CYFIP2: variants seen among roughly 807,000 people sequenced by gnomAD.
The protein encoded by CYFIP2 is cytoplasmic FMR1-interacting protein 2.
A neutral mutation model predicts 158.7 loss-of-function variants in CYFIP2; 29 were observed. That is an observed-to-expected ratio of 0.18 (90% CI 0.14 to 0.25). The LOEUF (loss-of-function observed/expected upper bound fraction) is 0.25. Among genes scored for constraint, CYFIP2 ranks in the 10% least tolerant of loss-of-function variants. The pLI, the probability that CYFIP2 is intolerant of heterozygous loss-of-function variation, is 1.00. For missense variants in CYFIP2, 852 were observed against 1,639.5 expected, an observed-to-expected ratio of 0.52 and a Z score of 8.29; for synonymous variants, 585 against 617.6, an observed-to-expected ratio of 0.95 and a Z score of 0.78.
At chr5:157,366,711 C>A (rs147549737) in intron 26 of CYFIP2, among the ~76,000 whole-genome samples, 1 of 152,140 alleles carries the variant, frequency 6.6e-6, no homozygotes, top group Non-Finnish European at 1.5e-5. Context: ...TTATCTGAAA[C>A]AAATCAGCAT....
intron 26 of CYFIP2, among the ~76,000 whole-genome samples, chr5:157,367,374 C>A (rs1764482930): frequency 6.6e-6 from 1 of 152,162 alleles, no homozygotes; most frequent in African/African-American, 2.4e-5. Flanking sequence ...TAAAACCTCC[C>A]CCTGTTGGAA....
At chr5:157,369,099 A>G (rs1764733252) in intron 26 of CYFIP2, among the ~76,000 whole-genome samples, 1 of 151,994 alleles carries the variant, frequency 6.6e-6, no homozygotes, top group East Asian at 1.9e-4. Context: ...GGGTTTCACC[A>G]TATCGGCCAG....
At chr5:157,314,009 T>G (rs965201736) in intron 11 of CYFIP2, among the ~76,000 whole-genome samples, 9 of 152,138 alleles carry the variant, frequency 5.9e-5, no homozygotes, top group African/African-American at 2.2e-4. Context: ...CCAGGAGGAT[T>G]GCTTGAGCCC....
chr5:157,361,344 G>A lies in CYFIP2; in HGVS notation c.2909-124G>A. ...CTCACTCTGGGCCTGCAGGTAAGAG[G>A]GATGCGTGGTTTGGCTTTTTGCTAT... On this transcript the variant is annotated intron_variant, in intron 25 of 30. Coordinates refer to ENST00000620254, the MANE Select transcript of CYFIP2 (RefSeq NM_001037333.3). The surrounding 1 kb of genome is among the most constrained non-coding windows in gnomAD (Gnocchi z 4.4). 5.0e-6 allele frequency: 6 copies of A among 1,201,618 alleles called. No individual in the cohort carries two copies. The highest frequency in any genetic ancestry group is 2.8e-4 in the Middle Eastern group (1 of 3,592). 74.4% of individuals were successfully genotyped at this position (1,201,618 alleles called of 1,614,324 possible).
At chr5:157,344,397 A>G (rs1463868570) in intron 23 of CYFIP2, among the ~76,000 whole-genome samples, 3 of 152,108 alleles carry the variant, frequency 2.0e-5, no homozygotes, top group African/African-American at 7.2e-5. Context: ...ACCTGATGTC[A>G]CACCGCTAAT....
At chr5:157,388,308 T>G (rs1472367556) in intron 28 of CYFIP2, among the ~76,000 whole-genome samples, 1 of 152,234 alleles carries the variant, frequency 6.6e-6, no homozygotes, top group Non-Finnish European at 1.5e-5. Flanking sequence ...AGATATGCAG[T>G]AGCCAGAACC....
chr5:157,349,281 C>A (rs149276750), intron 23 of CYFIP2, among the ~76,000 whole-genome samples: 117 of 152,268 alleles, frequency 7.7e-4, no homozygotes, highest in African/African-American at 2.7e-3. Context: ...CCTCCTCCCA[C>A]CCTTCTGAGT....
rs1342932083 is a variant in CYFIP2 at position 157,278,499 on chromosome 5, C to T, written c.-23-6840C>T. ...GGAGTCAAGGTATCCTGTTTCTACC[C>T]TACCTCTGCCACTAGCTGACCATGT... On this transcript the variant is annotated intron_variant, in intron 1 of 30. Coordinates refer to ENST00000620254, the MANE Select transcript of CYFIP2 (RefSeq NM_001037333.3). Among the ~76,000 whole-genome samples the T allele has an allele frequency of 2.0e-5, 3 of 152,170 alleles. No individual in the cohort carries two copies. The East Asian group carries it at 5.8e-4, about 29-fold the overall frequency.
At chr5:157,283,895 A>C (rs1021054614) in intron 1 of CYFIP2, among the ~76,000 whole-genome samples, 2 of 152,158 alleles carry the variant, frequency 1.3e-5, no homozygotes, top group African/African-American at 2.4e-5. Context: ...TTTCCTAACA[A>C]GCAAAGCAAA....
chr5:157,389,592 C>G, intron 29 of CYFIP2, 165 bp downstream of exon 29: 1 of 630,770 alleles, frequency 1.6e-6, no homozygotes, highest in Non-Finnish European at 2.7e-6. Flanking sequence ...AAGAAAGAGC[C>G]CAGTAAGGGT....
At chr5:157,307,633 C>A in intron 8 of CYFIP2, 128 bp from the exon 9 acceptor site, 1 of 400,174 alleles carries the variant, frequency 2.5e-6, no homozygotes, top group Non-Finnish European at 4.2e-6. Context: ...TGTGTCTCTA[C>A]AGGGTGTGTG....
rs974921667 is a variant in CYFIP2 at position 157,307,846 on chromosome 5, A to G, written c.881A>G (p.Lys294Arg). The G allele has an allele frequency of 6.2e-7, 1 of 1,601,304 alleles. No homozygotes were observed. Among genetic ancestry groups the G allele is most frequent in the Non-Finnish European group, 8.5e-7 (1 of 1,171,566 alleles). Residue 294 changes from lysine to arginine, a missense_variant, in exon 9 of 31, where the codon AAA (lysine) becomes AGA (arginine). By Grantham distance (26) the Lys-to-Arg change is conservative (BLOSUM62 2). Transcript: ENST00000620254. ...GCCAAGAAGAGAATTAATCTTAGCA[A>G]AATTGATAAATTCTTTAAGGTCAGC... ...LDAKKRINLS[K>R]IDKFFKQLQV...
intron 23 of CYFIP2, among the ~76,000 whole-genome samples, chr5:157,357,807 C>T (rs563785547): frequency 2.0e-5 from 3 of 151,272 alleles, no homozygotes; most frequent in Admixed American, 6.6e-5. Context: ...CTAGCCTGGG[C>T]GACAGAGCAA....
chr5:157,305,762 G>A (rs1000145650), intron 8 of CYFIP2, among the ~76,000 whole-genome samples: 9 of 152,306 alleles, frequency 5.9e-5, no homozygotes, highest in South Asian at 4.1e-4. Flanking sequence ...CAATCTGCCC[G>A]CCTCGGCCTC....
chr5:157,381,132 C>T lies in CYFIP2; in HGVS notation c.3040-1458C>T, dbSNP rs1766022816. ...TAATACGGACCTATATATCCGACCA[C>T]CAGCTTAAGAAAGAAAACATTGTAA... is the stretch of plus-strand genomic sequence containing the variant. On this transcript the variant is annotated intron_variant, in intron 26 of 30. Coordinates refer to ENST00000620254, the MANE Select transcript of CYFIP2 (RefSeq NM_001037333.3). 2.6e-5 allele frequency among the ~76,000 whole-genome samples: 4 copies of T among 152,060 alleles called. No individual in the cohort carries two copies. The South Asian group carries it at 8.3e-4, about 32-fold the overall frequency.
intron 3 of CYFIP2, among the ~76,000 whole-genome samples, chr5:157,292,199 C>G (rs1183166697): frequency 7.1e-6 from 1 of 140,502 alleles, no homozygotes; most frequent in African/African-American, 2.5e-5. Flanking sequence ...CTTTCTTTTT[C>G]TTTTTTCTTT....
chr5:157,377,989 G>C (rs911884839), intron 26 of CYFIP2, among the ~76,000 whole-genome samples: 9 of 152,154 alleles, frequency 5.9e-5, no homozygotes, highest in Non-Finnish European at 1.0e-4. Context: ...TAAAAGCTCT[G>C]GTAAGTTTTT....
chr5:157,383,244 G>A, intron 27 of CYFIP2, 21 bp from the exon 28 acceptor site: 1 of 1,610,250 alleles, frequency 6.2e-7, no homozygotes, highest in Non-Finnish European at 8.5e-7. Flanking sequence ...CTCATTTTCT[G>A]CTCTGCGACT....
chr5:157,371,064 G>A (rs905013795), intron 26 of CYFIP2, among the ~76,000 whole-genome samples: 11 of 152,202 alleles, frequency 7.2e-5, no homozygotes, highest in Admixed American at 7.2e-4. Flanking sequence ...ACTGCACCTG[G>A]AGTCCCAAAT....
Sources: gnomAD v4.1 joint callset for allele counts (sites outside exome capture counted in the v4.1 genomes callset) on GRCh38, gnomAD v4.1.1 for gene constraint, Gnocchi (gnomAD v3.1) non-coding constraint, MANE v1.5 for transcripts, NCBI Gene and HGNC (gene_info 2026-07-23, HGNC 2026-07-21) for gene names.